The following CEBPZ variants were observed in gnomAD, a reference collection of about 807,000 sequenced individuals.
CEBPZ encodes CCAAT/enhancer-binding protein zeta.
In CEBPZ, 78 loss-of-function variants were observed where a neutral mutation model predicts 104.5. The observed-to-expected ratio is 0.75, with a 90% CI of 0.62 to 0.90. The LOEUF is 0.90. Among genes scored for constraint, CEBPZ ranks in the 40% least tolerant of loss-of-function variants. The probability of loss-of-function intolerance (pLI) is 0.00; values close to 1 mark genes in which losing one functional copy is unlikely to be tolerated. For synonymous variants in CEBPZ, 470 were observed against 427.0 expected (o/e 1.10, Z -1.24); for missense variants, 1,439 against 1,233.5 (o/e 1.17, Z -2.50).
At chr2:37,231,047 C>A (rs1247387969) in intron 1 of CEBPZ, among the ~76,000 whole-genome samples, 4 of 152,172 alleles carry the variant, frequency 2.6e-5, no homozygotes, top group African/African-American at 9.7e-5. Context: ...CGTGCATGTA[C>A]TCTATGAGAA....
At chr2:37,231,229 T>A (rs1456306086) in intron 1 of CEBPZ, 183 bp downstream of exon 1, 1 of 796,584 alleles carries the variant, frequency 1.3e-6, no homozygotes, top group South Asian at 1.5e-5. Context: ...AATTCGAAAC[T>A]TTTCTTTTGT....
intron 1 of CEBPZ, 155 bp downstream of exon 1, chr2:37,231,257 G>A (rs2148368942): frequency 1.0e-6 from 1 of 983,806 alleles, no homozygotes; most frequent in Non-Finnish European, 1.6e-6. Flanking sequence ...AGTGGAAACC[G>A]GCGTGGGAAG....
intron 2 of CEBPZ, among the ~76,000 whole-genome samples, chr2:37,223,744 G>C (rs575709298): frequency 4.6e-5 from 7 of 152,324 alleles, no homozygotes; most frequent in African/African-American, 1.7e-4. Flanking sequence ...AAACCAGATA[G>C]TGAAAACTGA....
chr2:37,228,719 T>C lies in CEBPZ; in HGVS notation c.474A>G (p.Lys158=). The change falls in exon 2 of 16, where the codon AAA becomes AAG. Residue 158 remains lysine (K), a synonymous_variant. Coordinates refer to ENST00000234170, the MANE Select transcript of CEBPZ (RefSeq NM_005760.3). ...AGATGTTCTGTTTATCTTTCTTTAC[T>C]TTCGGTGTGGTACTGCCATTCTCAT... is the stretch of plus-strand genomic sequence containing the variant. The part of the protein sequence containing the change: ...HSDENGSTTP[K]VKKDKQNIFE... The C allele has an allele frequency of 1.2e-6, 2 of 1,614,240 alleles. No homozygotes were observed. The highest frequency in any genetic ancestry group is 1.7e-6 in the Non-Finnish European group (2 of 1,180,038).
At chr2:37,212,471 C>G (rs1677754192) in intron 10 of CEBPZ, 79 bp from the exon 11 acceptor site, 6 of 1,220,128 alleles carry the variant, frequency 4.9e-6, no homozygotes, top group Non-Finnish European at 7.2e-6. Flanking sequence ...ATCAATTATT[C>G]TAAGTCATGA....
At position 37,231,442 on chromosome 2, in the gene CEBPZ, C is replaced by T; in HGVS notation, c.126G>A (p.Leu42=). ...TGCCTCCGAGCCGTAACACTTCCTCCAGGGAGAACCCATTCTCGGCTTCAC... is the reference window on the plus strand; with the variant it reads ...TGCCTCCGAGCCGTAACACTTCCTCTAGGGAGAACCCATTCTCGGCTTCAC... The part of the protein sequence containing the change: ...NTSEAENGFS[L]EEVLRLGGTK... The change falls in exon 1 of 16, where the codon CTG becomes CTA. Residue 42 remains leucine, a synonymous_variant. Transcript: ENST00000234170. 2 of 1,614,214 alleles carry T rather than the reference C, an allele frequency of 1.2e-6. No individual in the cohort carries two copies. Among genetic ancestry groups the T allele is most frequent in the Non-Finnish European group, 1.7e-6 (2 of 1,180,032 alleles).
intron 15 of CEBPZ, 186 bp downstream of exon 15, chr2:37,202,598 T>A (rs1244720013): frequency 1.5e-5 from 6 of 395,002 alleles, no homozygotes; most frequent in Non-Finnish European, 2.6e-5. Context: ...TGAGCCAAGA[T>A]CATGCCACTG....
intron 4 of CEBPZ, among the ~76,000 whole-genome samples, chr2:37,221,289 T>G (rs1343848620): frequency 6.6e-6 from 1 of 152,072 alleles, no homozygotes; most frequent in African/African-American, 2.4e-5. Flanking sequence ...TACTCCAGCC[T>G]GGCCTGGGTG....
chr2:37,224,584 A>G (rs932450811), intron 2 of CEBPZ, among the ~76,000 whole-genome samples: 5 of 102,604 alleles, frequency 4.9e-5, no homozygotes, highest in African/African-American at 2.0e-4. Flanking sequence ...TTACATTTAA[A>G]TTTTCCAACA....
intron 1 of CEBPZ, among the ~76,000 whole-genome samples, chr2:37,229,899 G>T (rs771455163): frequency 2.0e-5 from 3 of 151,828 alleles, no homozygotes; most frequent in Non-Finnish European, 4.4e-5. Flanking sequence ...TCCTTATGTT[G>T]CCCAGGCTGG....
rs1221273556 is a variant in CEBPZ, at chr2:37,211,852, T to G, written c.2791A>C (p.Ser931Arg). 6.3e-7 allele frequency: 1 copy of G among 1,598,978 alleles called. No homozygotes were observed. The highest frequency in any genetic ancestry group is 8.5e-7 in the Non-Finnish European group (1 of 1,174,548). Residue 931 changes from serine to arginine, a missense_variant, in exon 12 of 16, where the codon AGC becomes CGC. Transcript: ENST00000234170. ...FMDVLDDESE[S>R]VPELEVHSKV... The stretch of plus-strand genomic sequence containing the variant: ...TTTAAAAAATGCTTACCTGGAACGC[T>G]CTCACTTTCATCATCTAACACATCC...
chr2:37,213,894 C>T lies in CEBPZ; in HGVS notation c.2515G>A (p.Val839Met), dbSNP rs770254106. The T allele has an allele frequency of 1.6e-5, 26 of 1,606,850 alleles. No individual in the cohort carries two copies. Among genetic ancestry groups the T allele is most frequent in the African/African-American group, 4.0e-5 (3 of 74,434 alleles). The change falls in exon 10 of 16, where the codon GTG (valine) becomes ATG (methionine). Residue 839 changes from valine to methionine, a missense_variant. Transcript: ENST00000234170. ...AGCTCTTCAAATTCTTCATCATCCA[C>T]GTCTTCTATACTTTCTTCATCTGCA... ...RDADEESIED[V>M]DDEEFEELID...
intron 13 of CEBPZ, chr2:37,210,004 G>C (rs1677668558): frequency 6.6e-6 from 1 of 152,082 alleles, no homozygotes; most frequent in Non-Finnish European, 1.5e-5. Context: ...TATACAAATG[G>C]TCAAGAAACA....
At chr2:37,227,228 C>G (rs1048126052) in intron 2 of CEBPZ, among the ~76,000 whole-genome samples, 3 of 152,272 alleles carry the variant, frequency 2.0e-5, no homozygotes, top group East Asian at 1.9e-4. Flanking sequence ...TTTAATATCC[C>G]AAAAGATTTA....
Position 37,223,418 on chromosome 2 carries a change from A to G in CEBPZ, c.1650-17T>C. The G allele has an allele frequency of 6.2e-7, 1 of 1,603,440 alleles. No homozygotes were observed. Among genetic ancestry groups the G allele is most frequent in the Non-Finnish European group, 8.5e-7 (1 of 1,170,790 alleles). On this transcript the variant is annotated splice_polypyrimidine_tract_variant and intron_variant, in intron 2 of 15. Transcript: ENST00000234170. ...AACATCTTCCTGCAAAACAAAACCA[A>G]GGTCAAATATTTATGTATAAAACCA...
chr2:37,230,126 T>C (rs1407684794), intron 1 of CEBPZ, among the ~76,000 whole-genome samples: 1 of 152,168 alleles, frequency 6.6e-6, no homozygotes, highest in Non-Finnish European at 1.5e-5. Flanking sequence ...AAATGGCTGG[T>C]TAGATAAATT....
In CEBPZ at chr2:37,227,659, A is replaced by G; in HGVS notation, c.1534T>C (p.Phe512Leu). 6.2e-7 allele frequency: 1 copy of G among 1,614,210 alleles called. No homozygotes were observed. Among genetic ancestry groups the G allele is most frequent in the Non-Finnish European group, 8.5e-7 (1 of 1,180,036 alleles). The part of the protein sequence containing the change: ...DKVREQIDTL[F>L]KVLHIVNFNT... The stretch of plus-strand genomic sequence containing the variant: ...AAATTCACAATATGCAACACTTTAA[A>G]CAGTGTGTCAATCTGCTCCCTTACT... The change falls in exon 2 of 16, where the codon TTT becomes CTT. Residue 512 changes from phenylalanine to leucine, a missense_variant. Phe to Leu is a conservative substitution (Grantham distance 22). Coordinates refer to ENST00000234170, the MANE Select transcript of CEBPZ (RefSeq NM_005760.3).
intron 4 of CEBPZ, among the ~76,000 whole-genome samples, chr2:37,220,785 G>A (rs1321020304): frequency 6.6e-6 from 1 of 152,148 alleles, no homozygotes; most frequent in Non-Finnish European, 1.5e-5. Flanking sequence ...GAGTTCAGGA[G>A]TTCGAGACCA....
intron 5 of CEBPZ, among the ~76,000 whole-genome samples, chr2:37,218,211 G>A (rs1423306457): frequency 6.6e-6 from 1 of 151,678 alleles, no homozygotes; most frequent in African/African-American, 2.4e-5. Flanking sequence ...AGCTTGCAGT[G>A]AGCTGAGATC....
Sources: gnomAD v4.1 joint callset for allele counts (sites outside exome capture counted in the v4.1 genomes callset) on GRCh38, gnomAD v4.1.1 for gene constraint, MANE v1.5 for transcripts, NCBI Gene and HGNC (gene_info 2026-07-23, HGNC 2026-07-21) for gene names.